The following CELF2 variants were observed in gnomAD, a reference collection of about 807,000 sequenced individuals.
The protein encoded by CELF2 is CUGBP Elav-like family member 2.
A neutral mutation model predicts 62.6 loss-of-function variants in CELF2; 8 were observed. The ratio of observed to expected loss-of-function variants is 0.13; its 90% CI spans 0.07 to 0.23. The LOEUF (loss-of-function observed/expected upper bound fraction) is 0.23. Ranked by LOEUF, CELF2 falls within the 10% of genes least tolerant of loss-of-function variation. The probability of loss-of-function intolerance (pLI) is 1.00; values close to 1 mark genes in which losing one functional copy is unlikely to be tolerated. For missense variants in CELF2, 333 were observed against 671.0 expected, an observed-to-expected ratio of 0.50 and a Z score of 5.56; for synonymous variants, 258 against 250.0, an observed-to-expected ratio of 1.03 and a Z score of -0.30.
chr10:11,054,509 G>GTGTGTGTGTA (rs1554804158), intron 1 of CELF2, among the ~76,000 whole-genome samples: 11 of 149,716 alleles, frequency 7.3e-5, no homozygotes, highest in African/African-American at 2.8e-4. Flanking sequence ...GTGTGTGTGT[G>GTGTGTGTGTA]TGTGTGTGTG....
Position 11,270,361 on chromosome 10 carries a change from T to C in CELF2, c.619-305T>C, listed in dbSNP as rs2653530. 0.051 allele frequency among the ~76,000 whole-genome samples: 7,702 copies of C among 152,230 alleles called. 252 individuals are homozygous for C. Among genetic ancestry groups the C allele is most frequent in the African/African-American group, 0.09 (3,728 of 41,514 alleles). ...AAGAACCTTGGTAAGGTCTGTTGTC[T>C]GTAAGGAGGTCCTGCAAGGTTGAAG... is the stretch of plus-strand genomic sequence containing the variant. On this transcript the variant is annotated intron_variant, in intron 6 of 12. Coordinates refer to ENST00000633077, the MANE Select transcript of CELF2 (RefSeq NM_001326342.2). This position sits in a 1 kb window ranked among gnomAD's most constrained non-coding sequence, Gnocchi z 5.8.
At chr10:10,506,425 A>G in the CELF2 span, among the ~76,000 whole-genome samples, 1 of 152,102 alleles carries the variant, frequency 6.6e-6, no homozygotes, top group East Asian at 1.9e-4. Context: ...ATGATCTTCA[A>G]ATATTATCAA....
chr10:10,626,341 A>G, the CELF2 span, among the ~76,000 whole-genome samples: 1 of 152,166 alleles, frequency 6.6e-6, no homozygotes, highest in Non-Finnish European at 1.5e-5. Context: ...GTTAGAATGA[A>G]TTTGTGTTAG....
chr10:11,334,585 A>G lies in CELF2; in HGVS notation c.*5532A>G, dbSNP rs1269803276. ...GAACTCCTGCTTCCAAGATTTATAC[A>G]CTTTTTTCCTACAGTTCACCTCAGT... On this transcript the variant is annotated 3_prime_UTR_variant, in exon 13 of 13. Transcript: ENST00000633077. 3 of 152,210 alleles carry G rather than the reference A, an allele frequency of 2.0e-5. No homozygotes were observed. The highest frequency in any genetic ancestry group is 6.5e-5 in the Admixed American group (1 of 15,280). 9.4% of individuals were successfully genotyped at this position (152,210 alleles called of 1,614,324 possible).
the CELF2 span, among the ~76,000 whole-genome samples, chr10:10,703,682 A>G: frequency 6.6e-6 from 1 of 152,140 alleles, no homozygotes; most frequent in Non-Finnish European, 1.5e-5. Flanking sequence ...TAGAAGGGAG[A>G]GGAGGAGAAG....
At chr10:10,743,719 G>A in the CELF2 span, among the ~76,000 whole-genome samples, 1 of 152,158 alleles carries the variant, frequency 6.6e-6, no homozygotes, top group Admixed American at 6.5e-5. Flanking sequence ...CATAGTGGTT[G>A]CTATGGAAAT....
At chr10:10,750,468 C>A in the CELF2 span, among the ~76,000 whole-genome samples, 109 of 152,266 alleles carry the variant, frequency 7.2e-4, no homozygotes, top group Middle Eastern at 3.4e-3. Flanking sequence ...TTAACTAATA[C>A]TTACTGTGCA....
At chr10:10,551,345 G>C in the CELF2 span, among the ~76,000 whole-genome samples, 3 of 152,074 alleles carry the variant, frequency 2.0e-5, no homozygotes, top group Non-Finnish European at 4.4e-5. Context: ...GGTGTACCCC[G>C]GGGAGGAGAG....
At chr10:11,158,051 C>G (rs995532559) in intron 1 of CELF2, among the ~76,000 whole-genome samples, 1 of 152,156 alleles carries the variant, frequency 6.6e-6, no homozygotes, top group Non-Finnish European at 1.5e-5. Context: ...AGCGCAGGCC[C>G]CTGTTGAGTT....
chr10:10,666,788 G>T, the CELF2 span, among the ~76,000 whole-genome samples: 1 of 89,276 alleles, frequency 1.1e-5, no homozygotes, highest in East Asian at 2.6e-4. Context: ...CGTGAACCCG[G>T]GAGGCGGAGC....
In CELF2 at chr10:10,803,706, G is replaced by T. The variant is rs998493930; in HGVS notation, c.53+4889G>T. On this transcript the variant is annotated intron_variant, in intron 1 of 13. Coordinates refer to the CELF2 transcript ENST00000636488. ...TCTCATCACAGCATTGCCAGTATCT[G>T]CCATCTGCATATGTATTTGTTTACT... Among the ~76,000 whole-genome samples the T allele has an allele frequency of 1.8e-4, 28 of 152,288 alleles. 1 individual carries two copies. The highest frequency in any genetic ancestry group is 6.8e-3 in the Middle Eastern group (2 of 292).
At chr10:11,240,728 G>A (rs1180248509) in intron 3 of CELF2, among the ~76,000 whole-genome samples, 1 of 152,186 alleles carries the variant, frequency 6.6e-6, no homozygotes, top group African/African-American at 2.4e-5. Context: ...AAATACACAG[G>A]TATACTGCAC....
At position 11,181,570 on chromosome 10, in the gene CELF2, C is replaced by T. The variant is rs181356230; in HGVS notation, c.271+15888C>T. On this transcript the variant is annotated intron_variant, in intron 2 of 12. Coordinates refer to ENST00000633077, the MANE Select transcript of CELF2 (RefSeq NM_001326342.2). ...GCCTTTCAGCATCCAGTGCATATGC[C>T]ATTGCATCCATAATGGCTCTTCCTC... Among the ~76,000 whole-genome samples the T allele has an allele frequency of 2.4e-3, 360 of 152,300 alleles. 2 individuals carry two copies. The highest frequency in any genetic ancestry group is 7.5e-3 in the African/African-American group (313 of 41,560).
chr10:10,518,818 G>A, the CELF2 span, among the ~76,000 whole-genome samples: 1 of 152,104 alleles, frequency 6.6e-6, no homozygotes, highest in African/African-American at 2.4e-5. Context: ...TGCAGAGGAG[G>A]ACAAGTTGGC....
In CELF2 at chr10:11,118,677, T is replaced by A. The variant is rs1029644087; in HGVS notation, c.75-46809T>A. ...TTGGCCTTGGATTTTCCTCACCAGTTCAACAGCTTCTTATTTGTATGTTGA... is the reference window on the plus strand; with the variant it reads ...TTGGCCTTGGATTTTCCTCACCAGTACAACAGCTTCTTATTTGTATGTTGA... On this transcript the variant is annotated intron_variant, in intron 1 of 12. Transcript: ENST00000633077. Among the ~76,000 whole-genome samples, 3 of 152,278 alleles carry A rather than the reference T, an allele frequency of 2.0e-5. No individual in the cohort carries two copies. The South Asian group carries it at 6.2e-4, about 32-fold the overall frequency.
At chr10:10,648,695 G>C in the CELF2 span, among the ~76,000 whole-genome samples, 17 of 152,268 alleles carry the variant, frequency 1.1e-4, no homozygotes, top group East Asian at 3.3e-3. Flanking sequence ...CTTACAGCTT[G>C]TTGAAGAATA....
the CELF2 span, among the ~76,000 whole-genome samples, chr10:10,493,334 G>T: frequency 6.1e-4 from 93 of 152,122 alleles, 2 homozygotes; most frequent in East Asian, 0.011. Flanking sequence ...TTGCAAGATG[G>T]AAAAAGTTCT....
At chr10:10,623,325 A>T in the CELF2 span, among the ~76,000 whole-genome samples, 10 of 152,176 alleles carry the variant, frequency 6.6e-5, no homozygotes, top group African/African-American at 9.7e-5. Flanking sequence ...TCCATAGTTT[A>T]CTAAAAGTAA....
intron 2 of CELF2, among the ~76,000 whole-genome samples, chr10:11,182,036 G>A (rs2073575994): frequency 6.6e-6 from 1 of 152,248 alleles, no homozygotes; most frequent in South Asian, 2.1e-4. Flanking sequence ...TGTCACTGTA[G>A]TGTGAAAAGC....
Sources: allele counts gnomAD v4.1 joint callset (sites outside exome capture counted in the v4.1 genomes callset), GRCh38; gene constraint gnomAD v4.1.1; non-coding constraint Gnocchi (gnomAD v3.1); transcripts MANE v1.5; gene names NCBI Gene and HGNC (gene_info 2026-07-23, HGNC 2026-07-21).